Variants in ICA1 observed in about 807,000 individuals in gnomAD.
The protein encoded by ICA1 is 69 kDa islet cell autoantigen.
ICA1 carries 40 observed loss-of-function variants against 71.0 expected under a neutral mutation model. The ratio of observed to expected loss-of-function variants is 0.56; its 90% CI spans 0.44 to 0.73. The LOEUF is 0.73. ICA1 is among the 30% of genes least tolerant of loss of function. The probability of loss-of-function intolerance (pLI) is 0.00; values close to 1 mark genes in which losing one functional copy is unlikely to be tolerated. For synonymous variants in ICA1, 207 were observed against 209.5 expected (o/e 0.99, Z 0.10); for missense variants, 578 against 576.5 (o/e 1.00, Z -0.03).
At position 8,143,972 on chromosome 7, in the gene ICA1, T is replaced by A. The variant is rs1796080490; in HGVS notation, c.805A>T (p.Ser269Cys). 6.7e-7 allele frequency: 1 copy of A among 1,499,172 alleles called. No homozygotes were observed. Among genetic ancestry groups the A allele is most frequent in the Admixed American group, 1.7e-5 (1 of 58,904 alleles). 92.9% of individuals were successfully genotyped at this position (1,499,172 alleles called of 1,614,324 possible). A position where few individuals can be genotyped will look rare whatever the true frequency, so the allele number is the denominator to read the frequency against. ...YQPYEFTTLK[S>C]LQDPMKKLVE... ...AATTTTTTCATAGGGTCTTGTAAGCTCTTGATCACGAGCCATAGAAAAATG... is the reference window on the plus strand; with the variant it reads ...AATTTTTTCATAGGGTCTTGTAAGCACTTGATCACGAGCCATAGAAAAATG... The change falls in exon 9 of 14, where the codon AGC (serine) becomes TGC (cysteine). Residue 269 changes from serine (S) to cysteine (C), a missense_variant and splice_region_variant. By Grantham distance (112) the Ser-to-Cys change is moderately radical (BLOSUM62 -1). Transcript: ENST00000402384.
chr7:8,240,098 T>G (rs1803259158), intron 1 of ICA1, among the ~76,000 whole-genome samples: 1 of 152,136 alleles, frequency 6.6e-6, no homozygotes, highest in South Asian at 2.1e-4. Context: ...CTCAAGTAGG[T>G]CCCTGACCCC....
chr7:8,240,442 A>AAAACCAGAGCAG (rs1234507083), intron 1 of ICA1, among the ~76,000 whole-genome samples: 2 of 152,302 alleles, frequency 1.3e-5, no homozygotes, highest in African/African-American at 4.8e-5. Flanking sequence ...AAGGGTAGAT[A>AAAACCAGAGCAG]AAACCAGAGC....
Position 8,157,654 on chromosome 7 carries a change from C to A in ICA1, c.706-440G>T, listed in dbSNP as rs148797270. 3.4e-3 allele frequency: 537 copies of A among 156,208 alleles called. 2 individuals carry two copies. Among genetic ancestry groups the A allele is most frequent in the African/African-American group, 0.012 (512 of 41,482 alleles). The allele number at this position is 156,208 out of a possible 1,614,324, so 9.7% of individuals were successfully genotyped here. A position where few individuals can be genotyped will look rare whatever the true frequency, so the allele number is the denominator to read the frequency against. Reference sequence around the variant, plus strand: ...TAGACTTCACTATCTCCAGATTCTTCCTAAACTTTGAGCTCTTTGAAGACA... The same window carrying A: ...TAGACTTCACTATCTCCAGATTCTTACTAAACTTTGAGCTCTTTGAAGACA... On this transcript the variant is annotated intron_variant, in intron 7 of 13. Transcript: ENST00000402384.
At chr7:8,240,674 C>A (rs1034589400) in intron 1 of ICA1, among the ~76,000 whole-genome samples, 2 of 152,012 alleles carry the variant, frequency 1.3e-5, no homozygotes, top group African/African-American at 4.8e-5. Flanking sequence ...AAAAAAAGAT[C>A]AGACGAATGA....
rs376632427 is a variant in ICA1, at chr7:8,122,018, G to C, written c.1330+5855C>G. Among the ~76,000 whole-genome samples the C allele has an allele frequency of 2.0e-4, 30 of 152,282 alleles. No homozygotes were observed. The East Asian group carries it at 4.1e-3, about 21-fold the overall frequency. ...AACACCCTGACTGCTGGGGAGGGGG[G>C]ACTCAAGGAAGGCTCCTCAGTGAGA... On this transcript the variant is annotated intron_variant, in intron 13 of 13. Coordinates refer to ENST00000402384, the MANE Select transcript of ICA1 (RefSeq NM_001136020.3).
chr7:8,154,284 C>T (rs1466337473), intron 8 of ICA1, among the ~76,000 whole-genome samples: 1 of 152,132 alleles, frequency 6.6e-6, no homozygotes, highest in Non-Finnish European at 1.5e-5. Context: ...CAGAAAGGTT[C>T]AGTAGAAGTA....
In ICA1 at chr7:8,144,675, T is replaced by C. The variant is rs138209215; in HGVS notation, c.805-703A>G. On this transcript the variant is annotated intron_variant, in intron 8 of 13. Transcript: ENST00000402384. The surrounding 1 kb of genome is among the most constrained non-coding windows in gnomAD (Gnocchi z 4.5). ...AAACAGCAAGTGCCTAGAAACTGTA[T>C]ACCAGTGACAATGATCCTGAAAGAA... 4.6e-5 allele frequency among the ~76,000 whole-genome samples: 7 copies of C among 152,172 alleles called. No homozygotes were observed. Among genetic ancestry groups the C allele is most frequent in the African/African-American group, 1.4e-4 (6 of 41,542 alleles).
intron 1 of ICA1, among the ~76,000 whole-genome samples, chr7:8,240,355 G>A (rs542234599): frequency 6.6e-6 from 1 of 152,272 alleles, no homozygotes; most frequent in African/African-American, 2.4e-5. Flanking sequence ...CTAACAAACA[G>A]AAAGGAACAG....
intron 1 of ICA1, among the ~76,000 whole-genome samples, chr7:8,237,259 C>A (rs1340068315): frequency 6.6e-6 from 1 of 152,024 alleles, no homozygotes; most frequent in Admixed American, 6.6e-5. Context: ...GAGAGGCTAC[C>A]AACACCCAGT....
rs1350337745 is a variant in ICA1 at position 8,132,228 on chromosome 7, C to T, written c.1061-4086G>A. On this transcript the variant is annotated intron_variant, in intron 12 of 13. Coordinates refer to ENST00000402384, the MANE Select transcript of ICA1 (RefSeq NM_001136020.3). This position sits in a 1 kb window ranked among gnomAD's most constrained non-coding sequence, Gnocchi z 4.5. ...TAAGATAAGCCCTCTCTATGCCCTC[C>T]CCTCCTTCCTGAAGCCTGCTCTGTT... is the stretch of plus-strand genomic sequence containing the variant. 6.6e-6 allele frequency among the ~76,000 whole-genome samples: 1 copy of T among 152,172 alleles called. No individual in the cohort carries two copies. The highest frequency in any genetic ancestry group is 1.5e-5 in the Non-Finnish European group (1 of 68,032).
chr7:8,194,002 C>A (rs1342872776), intron 6 of ICA1, among the ~76,000 whole-genome samples: 1 of 152,226 alleles, frequency 6.6e-6, no homozygotes, highest in African/African-American at 2.4e-5. Context: ...TCCAAGTTCA[C>A]TTTCAGTCTC....
intron 1 of ICA1, among the ~76,000 whole-genome samples, chr7:8,253,772 T>C (rs922261979): frequency 1.3e-4 from 20 of 152,294 alleles, no homozygotes; most frequent in African/African-American, 4.6e-4. Flanking sequence ...TGGATTTTCA[T>C]AGCTGAGGGT....
chr7:8,244,329 T>C (rs1232159011), intron 1 of ICA1, among the ~76,000 whole-genome samples: 2 of 152,176 alleles, frequency 1.3e-5, no homozygotes, highest in Admixed American at 6.5e-5. Context: ...ATTTAATAAA[T>C]GGTGCTGGGA....
At chr7:8,249,532 T>C (rs1807405097) in intron 1 of ICA1, among the ~76,000 whole-genome samples, 1 of 152,226 alleles carries the variant, frequency 6.6e-6, no homozygotes, top group South Asian at 2.1e-4. Flanking sequence ...GGGCACCATG[T>C]TTTGTCCTGC....
At chr7:8,118,857 C>T (rs759719032) in intron 13 of ICA1, among the ~76,000 whole-genome samples, 3 of 152,148 alleles carry the variant, frequency 2.0e-5, no homozygotes, top group Admixed American at 6.5e-5. Context: ...TGTGGGCCCT[C>T]AACAGAGGCA....
chr7:8,162,839 C>T (rs1804394459), intron 6 of ICA1, among the ~76,000 whole-genome samples: 1 of 152,246 alleles, frequency 6.6e-6, no homozygotes, highest in African/African-American at 2.4e-5. Context: ...TCTTGGCTCA[C>T]TGCAACCGCT....
intron 8 of ICA1, among the ~76,000 whole-genome samples, chr7:8,152,570 C>CACCACA (rs1799262695): frequency 6.8e-6 from 1 of 146,328 alleles, no homozygotes; most frequent in South Asian, 2.2e-4. Context: ...CCACCACCAC[C>CACCACA]ACCACCATCT....
At chr7:8,157,012 C>T in intron 8 of ICA1, 104 bp downstream of exon 8, 2 of 1,602,750 alleles carry the variant, frequency 1.2e-6, no homozygotes, top group Non-Finnish European at 1.7e-6. Flanking sequence ...CTTCAGCATT[C>T]TGAGTCCTGG....
chr7:8,156,219 A>G (rs906165470), intron 8 of ICA1, among the ~76,000 whole-genome samples: 1 of 152,200 alleles, frequency 6.6e-6, no homozygotes, highest in African/African-American at 2.4e-5. Flanking sequence ...CATTATACAC[A>G]TCTCAGAATC....
Sources: gnomAD v4.1 joint callset for allele counts (sites outside exome capture counted in the v4.1 genomes callset) on GRCh38, gnomAD v4.1.1 for gene constraint, Gnocchi (gnomAD v3.1) non-coding constraint, MANE v1.5 for transcripts, NCBI Gene and HGNC (gene_info 2026-07-23, HGNC 2026-07-21) for gene names.